Variants in XKR6 observed in about 807,000 individuals in gnomAD.
XKR6 encodes the protein XK-related protein 6.
XKR6 carries 22 observed loss-of-function variants against 56.7 expected under a neutral mutation model. The observed-to-expected ratio is 0.39, with a 90% CI of 0.28 to 0.55. The LOEUF (loss-of-function observed/expected upper bound fraction) is 0.55, where lower values mean the gene tolerates loss of function less well. XKR6 is among the 20% of genes least tolerant of loss of function. The pLI is 0.66. For missense variants in XKR6, 852 were observed against 889.0 expected, an observed-to-expected ratio of 0.96 and a Z score of 0.53; for synonymous variants, 524 against 387.8, an observed-to-expected ratio of 1.35 and a Z score of -4.13.
intron 1 of XKR6, among the ~76,000 whole-genome samples, chr8:11,057,749 C>G (rs1799722839): frequency 6.6e-6 from 1 of 152,202 alleles, no homozygotes; most frequent in Non-Finnish European, 1.5e-5. Flanking sequence ...CTCACCTCCT[C>G]CACAATGCTC....
At chr8:11,035,784 C>T (rs1352365264) in intron 1 of XKR6, among the ~76,000 whole-genome samples, 2 of 151,992 alleles carry the variant, frequency 1.3e-5, no homozygotes, top group Non-Finnish European at 2.9e-5. Flanking sequence ...GATGGGGAAA[C>T]TGAGGAGAGG....
chr8:10,951,413 C>T (rs1801720700), intron 1 of XKR6, among the ~76,000 whole-genome samples: 2 of 151,994 alleles, frequency 1.3e-5, no homozygotes, highest in Admixed American at 6.6e-5. Flanking sequence ...AATGGGCTTG[C>T]AGTGGAACAG....
At chr8:11,049,747 G>A (rs1032825417) in intron 1 of XKR6, among the ~76,000 whole-genome samples, 1 of 152,202 alleles carries the variant, frequency 6.6e-6, no homozygotes, top group African/African-American at 2.4e-5. Flanking sequence ...AATGATGGGT[G>A]AGAAAGAAGA....
At chr8:11,119,080 C>G (rs1246178262) in intron 1 of XKR6, among the ~76,000 whole-genome samples, 2 of 152,066 alleles carry the variant, frequency 1.3e-5, no homozygotes, top group Non-Finnish European at 2.9e-5. Context: ...AGTAGTCATT[C>G]AGGAGCAGGT....
At chr8:10,938,670 T>C (rs1416089574) in intron 1 of XKR6, among the ~76,000 whole-genome samples, 1 of 152,160 alleles carries the variant, frequency 6.6e-6, no homozygotes, top group Non-Finnish European at 1.5e-5. Context: ...AACAGATTGG[T>C]AGTTCCCAGG....
At chr8:10,954,239 A>G (rs898697939) in intron 1 of XKR6, among the ~76,000 whole-genome samples, 14 of 152,262 alleles carry the variant, frequency 9.2e-5, no homozygotes, top group African/African-American at 2.9e-4. Flanking sequence ...AGGAACCAGC[A>G]AGTTGTTTTT....
intron 2 of XKR6, among the ~76,000 whole-genome samples, chr8:10,923,076 A>AC (rs1448854629): frequency 6.6e-6 from 1 of 152,166 alleles, no homozygotes; most frequent in Non-Finnish European, 1.5e-5. Flanking sequence ...GTGTCACCCC[A>AC]CTGGCAGCAC....
chr8:10,993,657 C>T (rs2129140989), intron 1 of XKR6, among the ~76,000 whole-genome samples: 1 of 152,206 alleles, frequency 6.6e-6, no homozygotes, highest in East Asian at 1.9e-4. Flanking sequence ...TCCCTTCTGC[C>T]CTGCTCCTAG....
At chr8:10,903,742 G>T (rs932193771) in intron 2 of XKR6, among the ~76,000 whole-genome samples, 3 of 152,138 alleles carry the variant, frequency 2.0e-5, no homozygotes, top group Admixed American at 6.5e-5. Context: ...TCCAAGGAGG[G>T]AGGCCTCAGG....
At chr8:11,198,893 C>T (rs1187632459) in intron 1 of XKR6, among the ~76,000 whole-genome samples, 1 of 151,866 alleles carries the variant, frequency 6.6e-6, no homozygotes, top group Non-Finnish European at 1.5e-5. Flanking sequence ...ATCTTAACAA[C>T]CAGAAAACAA....
chr8:11,054,777 G>A (rs139577807), intron 1 of XKR6, among the ~76,000 whole-genome samples: 2 of 152,344 alleles, frequency 1.3e-5, no homozygotes, highest in African/African-American at 4.8e-5. Flanking sequence ...GTGAGGGTCC[G>A]AGGGCGGGGG....
chr8:10,918,740 C>G (rs898130252), intron 2 of XKR6, among the ~76,000 whole-genome samples: 1 of 152,192 alleles, frequency 6.6e-6, no homozygotes, highest in Non-Finnish European at 1.5e-5. Context: ...TCATCCATCC[C>G]CCAATCCCTG....
At chr8:11,108,952 C>G (rs1000019071) in intron 1 of XKR6, 1 of 152,250 alleles carries the variant, frequency 6.6e-6, no homozygotes, top group Non-Finnish European at 1.5e-5. Flanking sequence ...ACCATTGTTT[C>G]GGGCTCATTT....
intron 1 of XKR6, among the ~76,000 whole-genome samples, chr8:11,051,930 G>A (rs569920697): frequency 5.9e-5 from 9 of 152,318 alleles, no homozygotes; most frequent in Admixed American, 2.6e-4. Context: ...TGTTACAGAG[G>A]TGCGCGTGTG....
chr8:11,111,360 G>A (rs926529268), intron 1 of XKR6, among the ~76,000 whole-genome samples: 3 of 151,990 alleles, frequency 2.0e-5, no homozygotes, highest in Admixed American at 6.6e-5. Flanking sequence ...ACATAGTAAC[G>A]TCTCATTTTA....
At chr8:11,110,189 T>A (rs551864534) in intron 1 of XKR6, among the ~76,000 whole-genome samples, 1 of 152,250 alleles carries the variant, frequency 6.6e-6, no homozygotes, top group Non-Finnish European at 1.5e-5. Flanking sequence ...GCCAGGCTGG[T>A]CTTGAACTCC....
intron 1 of XKR6, among the ~76,000 whole-genome samples, chr8:11,037,025 T>C (rs1799163824): frequency 6.6e-6 from 1 of 152,154 alleles, no homozygotes; most frequent in Non-Finnish European, 1.5e-5. Context: ...CCTCTGCAGG[T>C]TTTTGTATTT....
intron 1 of XKR6, among the ~76,000 whole-genome samples, chr8:11,099,940 G>A (rs112752635): frequency 0.013 from 2,001 of 152,276 alleles, 27 homozygotes; most frequent in Non-Finnish European, 0.02. Context: ...TAGACAAAGC[G>A]AGCAGCAAAT....
intron 1 of XKR6, among the ~76,000 whole-genome samples, chr8:11,071,877 C>T (rs1800139126): frequency 6.6e-6 from 1 of 152,190 alleles, no homozygotes; most frequent in Non-Finnish European, 1.5e-5. Context: ...AATCACTCTT[C>T]CTTTCCTAAT....
Sources: gnomAD v4.1 joint callset for allele counts (sites outside exome capture counted in the v4.1 genomes callset) on GRCh38, gnomAD v4.1.1 for gene constraint, MANE v1.5 for transcripts, NCBI Gene and HGNC (gene_info 2026-07-23, HGNC 2026-07-21) for gene names.